Variants in SATL1 observed in about 807,000 individuals in gnomAD.
SATL1 encodes spermidine/spermine N(1)-acetyltransferase-like protein 1.
Under a neutral mutation model 51.8 loss-of-function variants are expected in SATL1, and 47 were observed. That is an observed-to-expected ratio of 0.91 (90% CI 0.72 to 1.16). SATL1 has a LOEUF of 1.16. Ranked by LOEUF, SATL1 falls within the 50% of genes most tolerant of loss-of-function variation. SATL1 has a pLI of 0.00. For synonymous variants in SATL1, 176 were observed against 182.4 expected, an observed-to-expected ratio of 0.97 and a Z score of 0.28; for missense variants, 520 against 526.4, an observed-to-expected ratio of 0.99 and a Z score of 0.12.
At chrX:85,144,286 C>G (rs943395976) in intron 2 of SATL1, among the ~76,000 whole-genome samples, 4 of 111,721 alleles carry the variant, frequency 3.6e-5, no homozygotes, top group Non-Finnish European at 7.5e-5. Context: ...CCTTTTCACT[C>G]CTTTTAGCAA....
intron 2 of SATL1, among the ~76,000 whole-genome samples, chrX:85,111,820 C>T (rs1318608346): frequency 3.6e-5 from 4 of 111,969 alleles, no homozygotes; most frequent in East Asian, 2.8e-4. Context: ...AGCCACCCCT[C>T]AGAGATCTAT....
At chrX:85,125,055 A>G (rs1925587938) in intron 2 of SATL1, among the ~76,000 whole-genome samples, 1 of 110,663 alleles carries the variant, frequency 9.0e-6, no homozygotes, top group South Asian at 3.9e-4. Context: ...AGAGACAGGA[A>G]TAAGACCCAG....
chrX:85,192,754 G>A (rs185499693), intron 2 of SATL1, among the ~76,000 whole-genome samples: 12 of 111,474 alleles, frequency 1.1e-4, no homozygotes, highest in African/African-American at 3.9e-4. Flanking sequence ...GCTATTTAAA[G>A]GCAGAAACTG....
At chrX:85,128,071 A>G (rs1211462931) in intron 2 of SATL1, among the ~76,000 whole-genome samples, 5 of 111,630 alleles carry the variant, frequency 4.5e-5, no homozygotes, top group African/African-American at 1.6e-4. Flanking sequence ...GTTGGTTCCA[A>G]GTCTTTGCTA....
At chrX:85,158,852 A>G (rs779580336) in intron 2 of SATL1, among the ~76,000 whole-genome samples, 3 of 112,074 alleles carry the variant, frequency 2.7e-5, no homozygotes, top group Non-Finnish European at 5.6e-5. Context: ...TGACTTTATT[A>G]TATTTTCAAA....
At chrX:85,126,640 T>A (rs1925632156) in intron 2 of SATL1, among the ~76,000 whole-genome samples, 1 of 111,368 alleles carries the variant, frequency 9.0e-6, no homozygotes, top group Admixed American at 9.6e-5. Flanking sequence ...TTTTGTATAA[T>A]TTTTTATGCC....
intron 2 of SATL1, among the ~76,000 whole-genome samples, chrX:85,195,047 C>T (rs142677328): frequency 0.012 from 1,359 of 109,604 alleles, 13 homozygotes; most frequent in South Asian, 0.031. Context: ...CATAAAAAGA[C>T]AACAGTTTTG....
chrX:85,200,917 T>C (rs1927673941), intron 2 of SATL1, among the ~76,000 whole-genome samples: 1 of 110,817 alleles, frequency 9.0e-6, no homozygotes, highest in African/African-American at 3.3e-5. Flanking sequence ...ACTTAAAACA[T>C]ATGGTCTTTA....
chrX:85,185,817 C>G lies in SATL1; in HGVS notation c.-313+38388G>C, dbSNP rs537596307. ...TGCCAGGAGCCCACTTGGTGCTCTA[C>G]CCCCCTGTGGCCAAAGTGGTACCTA... On this transcript the variant is annotated intron_variant, in intron 2 of 7. Coordinates refer to ENST00000644105, the MANE Select transcript of SATL1 (RefSeq NM_001367857.2). 1.6e-4 allele frequency among the ~76,000 whole-genome samples: 18 copies of G among 110,644 alleles called. No individual in the cohort carries two copies. The South Asian group carries it at 7.0e-3, about 43-fold the overall frequency.
intron 2 of SATL1, among the ~76,000 whole-genome samples, chrX:85,182,634 T>G (rs1028786253): frequency 1.8e-5 from 2 of 111,885 alleles, no homozygotes; most frequent in Non-Finnish European, 3.8e-5. Flanking sequence ...GTTAGTTCTA[T>G]TTTTAGTTTT....
intron 1 of SATL1, among the ~76,000 whole-genome samples, chrX:85,238,202 C>T (rs1928519078): frequency 9.0e-6 from 1 of 111,511 alleles, no homozygotes; most frequent in African/African-American, 3.3e-5. Flanking sequence ...AGCAATCTCA[C>T]TGCTATATAT....
rs192992631 is a variant in SATL1, at chrX:85,133,666, C to T, written c.-312-24386G>A. Among the ~76,000 whole-genome samples, 666 of 111,653 alleles carry T rather than the reference C, an allele frequency of 6.0e-3. 3 individuals are homozygous for T. Among genetic ancestry groups the T allele is most frequent in the African/African-American group, 0.019 (569 of 30,688 alleles). On this transcript the variant is annotated intron_variant, in intron 2 of 7. Transcript: ENST00000644105. ...CCTTCTGTGGGCTGCACCCACTGTC[C>T]GACCAGTCCCAATGAGATGAACCAG...
At chrX:85,223,384 T>A (rs1367674485) in intron 2 of SATL1, among the ~76,000 whole-genome samples, 1 of 111,425 alleles carries the variant, frequency 9.0e-6, no homozygotes, top group Non-Finnish European at 1.9e-5. Context: ...TTTTTTCTCA[T>A]ATGACCTCAA....
chrX:85,166,941 ATGTGTGTGTGTGTG>A (rs60077558), intron 2 of SATL1, among the ~76,000 whole-genome samples: 19 of 77,573 alleles, frequency 2.4e-4, no homozygotes, highest in East Asian at 8.7e-4. Context: ...ATATATGTGT[ATGTGTGTGTGTGTG>A]TGTGTGTGTG....
chrX:85,093,419 A>T (rs1243173604), intron 6 of SATL1, 194 bp from the exon 7 acceptor site: 1 of 408,092 alleles, frequency 2.5e-6, no homozygotes, highest in East Asian at 4.1e-5. Flanking sequence ...GTCATAGAAG[A>T]GTTTGGGTTT....
intron 2 of SATL1, among the ~76,000 whole-genome samples, chrX:85,115,097 A>T (rs751790165): frequency 8.9e-6 from 1 of 111,938 alleles, no homozygotes; most frequent in African/African-American, 3.2e-5. Context: ...AAGTGAGAGG[A>T]ATATTCATGG....
chrX:85,104,059 C>A, intron 3 of SATL1, 144 bp from the exon 4 acceptor site: 1 of 404,448 alleles, frequency 2.5e-6, no homozygotes, highest in Non-Finnish European at 4.5e-6. Context: ...TCCCAGTCAT[C>A]TAGAAACAAA....
At chrX:85,212,058 A>G (rs1039094366) in intron 2 of SATL1, 6 of 111,687 alleles carry the variant, frequency 5.4e-5, no homozygotes, top group Non-Finnish European at 9.4e-5. Context: ...GAAGAACTGT[A>G]TCTCCACTTC....
intron 2 of SATL1, among the ~76,000 whole-genome samples, chrX:85,187,230 T>A (rs2147742965): frequency 8.9e-6 from 1 of 112,043 alleles, no homozygotes; most frequent in South Asian, 3.7e-4. Context: ...CTAACATTTT[T>A]TGGTGTATTC....
Sources: gnomAD v4.1 joint callset for allele counts (sites outside exome capture counted in the v4.1 genomes callset) on GRCh38, gnomAD v4.1.1 for gene constraint, MANE v1.5 for transcripts, NCBI Gene and HGNC (gene_info 2026-07-23, HGNC 2026-07-21) for gene names.